GARIN5B: variants seen among roughly 807,000 people sequenced by gnomAD.
GARIN5B encodes the protein golgi associated RAB2 interactor family member 5B, also known as Golgi-associated RAB2 interactor protein 5B.
chr19:55,359,027 G>A, the GARIN5B span: 2 of 1,551,436 alleles, frequency 1.3e-6, no homozygotes, highest in South Asian at 2.4e-5. Context: ...CTTGGTCACG[G>A]TGAAGGGCGA....
the GARIN5B span, chr19:55,355,407 C>G: frequency 1.3e-6 from 2 of 1,526,578 alleles, no homozygotes; most frequent in Non-Finnish European, 1.8e-6. Flanking sequence ...GAGGGGTACC[C>G]AGGGCTTTAA....
the GARIN5B span, chr19:55,360,881 G>C: frequency 6.5e-7 from 1 of 1,545,420 alleles, no homozygotes; most frequent in African/African-American, 1.4e-5. Context: ...TGTGAGTTCT[G>C]TCGGGGCGGG....
At chr19:55,361,308 G>A in the GARIN5B span, 2 of 1,541,796 alleles carry the variant, frequency 1.3e-6, no homozygotes, top group South Asian at 2.4e-5. Context: ...CCAGGAGCTT[G>A]TGGAGGGCCC....
At chr19:55,360,844 T>A in the GARIN5B span, 4 of 1,549,050 alleles carry the variant, frequency 2.6e-6, no homozygotes, top group East Asian at 9.8e-5. Flanking sequence ...TGGGGTGGGT[T>A]GATCTTACCA....
the GARIN5B span, among the ~76,000 whole-genome samples, chr19:55,356,632 C>A: frequency 6.6e-6 from 1 of 151,952 alleles, no homozygotes; most frequent in Non-Finnish European, 1.5e-5. Context: ...GAGATGAGGT[C>A]TCACTCTTTT....
the GARIN5B span, chr19:55,360,762 G>A: frequency 1.9e-6 from 3 of 1,551,744 alleles, no homozygotes; most frequent in East Asian, 4.9e-5. Flanking sequence ...TGGTGATGCT[G>A]GTCTTCTCTG....
chr19:55,363,014 T>G, the GARIN5B span: 5 of 1,490,972 alleles, frequency 3.4e-6, no homozygotes, highest in Non-Finnish European at 4.5e-6. The surrounding 1 kb of genome is among the most constrained non-coding windows in gnomAD (Gnocchi z 4.0). Context: ...AGGGACCCAC[T>G]TCGGGGTGCC....
chr19:55,358,142 T>G, the GARIN5B span: 11 of 1,470,028 alleles, frequency 7.5e-6, no homozygotes, highest in African/African-American at 1.4e-5. Context: ...TAACCCCCGC[T>G]ACCTGGGCAG....
At chr19:55,360,037 C>G in the GARIN5B span, 4 of 1,476,656 alleles carry the variant, frequency 2.7e-6, no homozygotes, top group Non-Finnish European at 3.6e-6. Flanking sequence ...ACCCCAGACC[C>G]GGGAGGGCAG....
At chr19:55,361,342 A>G in the GARIN5B span, 1 of 1,542,694 alleles carries the variant, frequency 6.5e-7, no homozygotes, top group East Asian at 2.4e-5. Flanking sequence ...GGAAGAGCCA[A>G]AGGGTGCAGC....
chr19:55,363,152 G>T, the GARIN5B span: 2 of 1,345,794 alleles, frequency 1.5e-6, no homozygotes, highest in Non-Finnish European at 1.9e-6. The surrounding 1 kb of genome is among the most constrained non-coding windows in gnomAD (Gnocchi z 4.0). Flanking sequence ...GCCTTGACCC[G>T]TGGGGCTTCA....
the GARIN5B span, chr19:55,359,889 A>T: frequency 6.4e-7 from 1 of 1,551,526 alleles, no homozygotes; most frequent in South Asian, 1.2e-5. Flanking sequence ...CCCAGAAAGA[A>T]GCCATCAGGG....
chr19:55,362,280 G>A, the GARIN5B span: 2 of 1,546,464 alleles, frequency 1.3e-6, no homozygotes, highest in South Asian at 1.2e-5. Flanking sequence ...GCTTCGGCCA[G>A]CGGCATATCC....
the GARIN5B span, chr19:55,361,401 C>T: frequency 4.6e-6 from 7 of 1,525,838 alleles, no homozygotes; most frequent in African/African-American, 8.3e-5. Context: ...AACAGCAGGG[C>T]CTGCTCACCT....
At chr19:55,363,040 G>A in the GARIN5B span, 2 of 1,499,148 alleles carry the variant, frequency 1.3e-6, no homozygotes, top group South Asian at 1.3e-5. This position sits in a 1 kb window ranked among gnomAD's most constrained non-coding sequence, Gnocchi z 4.0. Flanking sequence ...GCGGCTCAAG[G>A]CACCTCCTGT....
chr19:55,357,567 C>T, the GARIN5B span, among the ~76,000 whole-genome samples: 3 of 152,336 alleles, frequency 2.0e-5, no homozygotes, highest in African/African-American at 7.2e-5. Context: ...AACCCCAGCT[C>T]CGTGAGGGCT....
the GARIN5B span, chr19:55,361,487 C>T: frequency 3.8e-5 from 55 of 1,452,806 alleles, no homozygotes; most frequent in Non-Finnish European, 4.9e-5. Context: ...TCTCCATAAC[C>T]TACCCAGCGA....
chr19:55,360,778 G>C, the GARIN5B span: 1 of 1,551,712 alleles, frequency 6.4e-7, no homozygotes, highest in Non-Finnish European at 8.7e-7. Context: ...CTCTGGATGG[G>C]GGAGCCGTCT....
chr19:55,355,395 G>A, the GARIN5B span: 1 of 1,540,616 alleles, frequency 6.5e-7, no homozygotes, highest in Non-Finnish European at 8.8e-7. Context: ...AGGGTAGGGA[G>A]AGAGGGGTAC....
Sources: gnomAD v4.1 joint callset for allele counts (sites outside exome capture counted in the v4.1 genomes callset) on GRCh38, gnomAD v4.1.1 for gene constraint, Gnocchi (gnomAD v3.1) non-coding constraint, MANE v1.5 for transcripts, NCBI Gene and HGNC (gene_info 2026-07-23, HGNC 2026-07-21) for gene names.